The following SLC24A2 variants were observed in gnomAD, a reference collection of about 807,000 sequenced individuals.
SLC24A2 encodes solute carrier family 24 member 2, also known as sodium/potassium/calcium exchanger 2.
Under a neutral mutation model 62.0 loss-of-function variants are expected in SLC24A2, and 36 were observed. The ratio of observed to expected loss-of-function variants is 0.58; its 90% confidence interval spans 0.44 to 0.77. The LOEUF is 0.77. Ranked by LOEUF, SLC24A2 falls within the 30% of genes least tolerant of loss-of-function variation. The pLI, the probability that SLC24A2 is intolerant of heterozygous loss-of-function variation, is 0.00. For synonymous variants in SLC24A2, 358 were observed against 294.0 expected (o/e 1.22, Z -2.23); for missense variants, 846 against 817.9 (o/e 1.03, Z -0.42).
At chr9:19,780,932 G>C (rs1368553421) in intron 2 of SLC24A2, among the ~76,000 whole-genome samples, 3 of 145,140 alleles carry the variant, frequency 2.1e-5, no homozygotes, top group East Asian at 2.0e-4. Context: ...GAAAAAGAGA[G>C]TTAGAAAAAA....
At chr9:20,054,135 T>G in the SLC24A2 span, among the ~76,000 whole-genome samples, 1 of 152,154 alleles carries the variant, frequency 6.6e-6, no homozygotes, top group African/African-American at 2.4e-5. Flanking sequence ...GAAAAGTTCT[T>G]TAATGGTGAT....
At chr9:19,673,099 T>C (rs1193585618) in intron 2 of SLC24A2, among the ~76,000 whole-genome samples, 3 of 146,422 alleles carry the variant, frequency 2.0e-5, no homozygotes, top group Admixed American at 6.7e-5. Flanking sequence ...GTTGACCTTT[T>C]GCCTTGAAGA....
chr9:19,786,610 G>C lies in SLC24A2; in HGVS notation c.257C>G (p.Thr86Ser), dbSNP rs1292060019. Residue 86 changes from threonine (T) to serine (S), a missense_variant, in exon 2 of 11, where the codon ACT becomes AGT. Thr to Ser is a moderately conservative substitution (Grantham distance 58). Transcript: ENST00000341998. This position sits in a 1 kb window ranked among gnomAD's most constrained non-coding sequence, Gnocchi z 5.0. ...PRVAQGYHQR[T>S]LLDLNDKILD... ...AATCTTGTCATTTAAATCTAAGAGA[G>C]TTCTCTGATGGTAACCCTGTGCTAC... 34 of 1,614,050 alleles carry C rather than the reference G, an allele frequency of 2.1e-5. No individual in the cohort carries two copies. Among genetic ancestry groups the C allele is most frequent in the Non-Finnish European group, 2.9e-5 (34 of 1,180,028 alleles).
chr9:20,246,516 G>T, the SLC24A2 span, among the ~76,000 whole-genome samples: 585 of 152,318 alleles, frequency 3.8e-3, 1 homozygote, highest in African/African-American at 0.012. Flanking sequence ...CACTCAGCAT[G>T]TGTGTTGGGC....
At chr9:19,870,064 TA>T in the SLC24A2 span, among the ~76,000 whole-genome samples, 5 of 152,330 alleles carry the variant, frequency 3.3e-5, no homozygotes, top group African/African-American at 1.2e-4. Context: ...TTGTAAAATT[TA>T]CAATTCAGTC....
At chr9:19,793,353 A>G (rs1823342852), upstream of SLC24A2, among the ~76,000 whole-genome samples, 1 of 152,244 alleles carries the variant, frequency 6.6e-6, no homozygotes, top group Admixed American at 6.5e-5. Context: ...TGGCAAACCT[A>G]GAACTTGCTT....
At chr9:19,870,778 G>A in the SLC24A2 span, among the ~76,000 whole-genome samples, 13 of 152,066 alleles carry the variant, frequency 8.5e-5, no homozygotes, top group Non-Finnish European at 1.6e-4. Context: ...ATATTTTCCT[G>A]TATTTATTGG....
At chr9:19,837,865 C>T in the SLC24A2 span, among the ~76,000 whole-genome samples, 44 of 151,804 alleles carry the variant, frequency 2.9e-4, 1 homozygote, top group Admixed American at 1.1e-3. Context: ...TTACAAGGGA[C>T]GTGAAGGACC....
At chr9:20,035,685 A>G in the SLC24A2 span, among the ~76,000 whole-genome samples, 14 of 152,156 alleles carry the variant, frequency 9.2e-5, no homozygotes, top group African/African-American at 3.4e-4. Context: ...ACTTGAGCTC[A>G]GGACGTCCAG....
chr9:20,179,605 C>T, the SLC24A2 span, among the ~76,000 whole-genome samples: 2 of 151,988 alleles, frequency 1.3e-5, no homozygotes, highest in Non-Finnish European at 2.9e-5. Context: ...CAGATGTCTT[C>T]CCAAAGAAAG....
the SLC24A2 span, among the ~76,000 whole-genome samples, chr9:20,001,697 C>T: frequency 1.3e-5 from 2 of 152,156 alleles, no homozygotes; most frequent in Admixed American, 6.5e-5. Flanking sequence ...CATCTTCCTA[C>T]CGAGTCTTTA....
At chr9:19,899,293 C>G in the SLC24A2 span, among the ~76,000 whole-genome samples, 1 of 152,164 alleles carries the variant, frequency 6.6e-6, no homozygotes, top group Admixed American at 6.5e-5. Context: ...TGCAGGCTGC[C>G]TTTTAGAAAA....
the SLC24A2 span, among the ~76,000 whole-genome samples, chr9:19,901,268 C>T: frequency 9.9e-5 from 15 of 152,192 alleles, 1 homozygote; most frequent in Non-Finnish European, 2.2e-4. Flanking sequence ...GAGTTTAAGA[C>T]TTCCTGGGTG....
the SLC24A2 span, among the ~76,000 whole-genome samples, chr9:19,879,092 T>C: frequency 6.6e-6 from 1 of 152,184 alleles, no homozygotes; most frequent in African/African-American, 2.4e-5. Context: ...TTATTCCTCC[T>C]TGTCTTTTTT....
At chr9:20,060,370 A>C in the SLC24A2 span, among the ~76,000 whole-genome samples, 1 of 152,054 alleles carries the variant, frequency 6.6e-6, no homozygotes, top group Non-Finnish European at 1.5e-5. Flanking sequence ...ATAGTTCAAT[A>C]TTCCTCATAA....
chr9:19,917,990 T>C, the SLC24A2 span, among the ~76,000 whole-genome samples: 2 of 152,184 alleles, frequency 1.3e-5, no homozygotes, highest in Admixed American at 1.3e-4. Flanking sequence ...TGGCTTAAGA[T>C]AAATATTCTT....
At chr9:20,166,490 C>T in the SLC24A2 span, among the ~76,000 whole-genome samples, 1 of 151,780 alleles carries the variant, frequency 6.6e-6, no homozygotes, top group African/African-American at 2.4e-5. Context: ...GAGAAGATCT[C>T]TGTAAATTGA....
chr9:19,790,768 C>A (rs1006015510), upstream of SLC24A2, among the ~76,000 whole-genome samples: 2 of 152,244 alleles, frequency 1.3e-5, no homozygotes, highest in African/African-American at 2.4e-5. Flanking sequence ...TTTTACCCTG[C>A]CTTTGTCTAC....
chr9:19,853,986 C>T, the SLC24A2 span, among the ~76,000 whole-genome samples: 135 of 151,378 alleles, frequency 8.9e-4, no homozygotes, highest in African/African-American at 3.1e-3. Flanking sequence ...TTTCAGAACT[C>T]ATTGGTTTAT....
Sources: allele counts gnomAD v4.1 joint callset (sites outside exome capture counted in the v4.1 genomes callset), GRCh38; gene constraint gnomAD v4.1.1; non-coding constraint Gnocchi (gnomAD v3.1); transcripts MANE v1.5; gene names NCBI Gene and HGNC (gene_info 2026-07-23, HGNC 2026-07-21).